Variants in ZNF519 observed in about 807,000 individuals in gnomAD.
ZNF519 encodes zinc finger protein 519.
A neutral mutation model predicts 7.4 loss-of-function variants in ZNF519; 7 were observed. That is an observed-to-expected ratio of 0.94 (90% CI 0.54 to 1.77). The LOEUF is 1.77. ZNF519 is among the 40% of genes most tolerant of loss of function. The pLI is 0.00. For missense variants in ZNF519, 586 were observed against 623.1 expected, an observed-to-expected ratio of 0.94 and a Z score of 0.63; for synonymous variants, 179 against 203.3, an observed-to-expected ratio of 0.88 and a Z score of 1.02.
intron 1 of ZNF519, among the ~76,000 whole-genome samples, chr18:14,126,185 G>A (rs1432293927): frequency 6.6e-6 from 1 of 152,118 alleles, no homozygotes; most frequent in Non-Finnish European, 1.5e-5. Context: ...AGCAGAGGGT[G>A]GATCTGCGCA....
chr18:14,117,073 A>G (rs2046249609), intron 2 of ZNF519, among the ~76,000 whole-genome samples: 3 of 152,326 alleles, frequency 2.0e-5, no homozygotes, highest in Admixed American at 6.5e-5. Context: ...TTTCTTGCAT[A>G]TAACATCAAA....
chr18:14,105,209 C>A lies in ZNF519; in HGVS notation c.1331G>T (p.Gly444Val), dbSNP rs543489203. ...TCTTTGATGTCGAGTAAGGTGTGAG[C>A]CCCTGTTAAAGGCTTTGCCACATTC... ...CKECGKAFNR[G>V]SHLTRHQRIH... The change falls in exon 3 of 3, where the codon GGC becomes GTC. Residue 444 changes from glycine to valine, a missense_variant. Coordinates refer to ENST00000590202, the MANE Select transcript of ZNF519 (RefSeq NM_145287.4). 1.3e-6 allele frequency: 2 copies of A among 1,571,198 alleles called. No homozygotes were observed. The highest frequency in any genetic ancestry group is 1.7e-6 in the Non-Finnish European group (2 of 1,145,296).
Position 14,124,198 on chromosome 18 carries a change from TTC to T in ZNF519, c.130+150_130+151del, listed in dbSNP as rs990440178. ...CAATTAAAAAAAAAAAAAAAAGATT[TTC>T]TTTTTTACACTAGCAAACTCCCATT... On this transcript the variant is annotated intron_variant, in intron 2 of 2. Coordinates refer to ENST00000590202, the MANE Select transcript of ZNF519 (RefSeq NM_145287.4). 5.8e-6 allele frequency: 4 copies of T among 694,870 alleles called. No homozygotes were observed. In the African/African-American group the frequency reaches 7.8e-5, roughly 13 times the overall value. 43.0% of individuals were successfully genotyped at this position (694,870 alleles called of 1,614,324 possible).
chr18:14,075,908 A>G (rs1016325577), downstream of ZNF519: 1 of 151,350 alleles, frequency 6.6e-6, no homozygotes, highest in African/African-American at 2.4e-5. Flanking sequence ...TTGCTGAACT[A>G]CACACCACAC....
chr18:14,084,460 T>G (rs1415449558), intron 3 of ZNF519: 1 of 152,162 alleles, frequency 6.6e-6, no homozygotes, highest in Non-Finnish European at 1.5e-5. Flanking sequence ...CTAGTTCTAT[T>G]CCTGTCCTCA....
downstream of ZNF519, among the ~76,000 whole-genome samples, chr18:14,098,306 CCCA>C (rs2046146160): frequency 1.3e-5 from 2 of 151,808 alleles, no homozygotes; most frequent in Non-Finnish European, 2.9e-5. Context: ...ATTACAGGCA[CCCA>C]CCACAACGCC....
chr18:14,105,479 C>G lies in ZNF519; in HGVS notation c.1061G>C (p.Gly354Ala), dbSNP rs561163547. ...GTATGACCCCCTGTTAAAGGCTTTG[C>G]CACATTCTTCACATTTGAAAGCTCT... ...GERAFKCEEC[G>A]KAFNRGSYLT... Residue 354 changes from glycine to alanine, a missense_variant, in exon 3 of 3, where the codon GGC (glycine) becomes GCC (alanine). Coordinates refer to ENST00000590202, the MANE Select transcript of ZNF519 (RefSeq NM_145287.4). 3.7e-6 allele frequency: 6 copies of G among 1,613,726 alleles called. No homozygotes were observed. Among genetic ancestry groups the G allele is most frequent in the African/African-American group, 2.7e-5 (2 of 74,900 alleles).
chr18:14,087,719 A>G (rs1248605142), intron 2 of ZNF519, among the ~76,000 whole-genome samples: 1 of 152,254 alleles, frequency 6.6e-6, no homozygotes, highest in Non-Finnish European at 1.5e-5. Context: ...AAATCGTATC[A>G]TTTATGTACA....
chr18:14,093,389 T>C (rs1256488219), intron 2 of ZNF519, among the ~76,000 whole-genome samples: 1 of 152,218 alleles, frequency 6.6e-6, no homozygotes, highest in Admixed American at 6.5e-5. Context: ...CAGAATAGTA[T>C]ATTGTTGATT....
At chr18:14,094,172 CTG>C (rs373226206) in intron 2 of ZNF519, among the ~76,000 whole-genome samples, 218 of 152,326 alleles carry the variant, frequency 1.4e-3, no homozygotes, top group African/African-American at 5.0e-3. Context: ...AAGTGGAGCT[CTG>C]TATGCCTGGG....
chr18:14,100,421 A>G lies in ZNF519; in HGVS notation c.*4496T>C, dbSNP rs2046155253. On this transcript the variant is annotated 3_prime_UTR_variant, in exon 3 of 3. Transcript: ENST00000590202. ...CACACACTGACTGAAAACAACAAATATGTTCTTGAAAGAGTGAAGGGTTAC... is the reference window on the plus strand; with the variant it reads ...CACACACTGACTGAAAACAACAAATGTGTTCTTGAAAGAGTGAAGGGTTAC... 1 of 152,194 alleles carries G rather than the reference A, an allele frequency of 6.6e-6. No individual in the cohort carries two copies. Among genetic ancestry groups the G allele is most frequent in the Non-Finnish European group, 1.5e-5 (1 of 68,036 alleles). 9.4% of individuals were successfully genotyped at this position (152,194 alleles called of 1,614,324 possible). A position where few individuals can be genotyped will look rare whatever the true frequency, so the allele number is the denominator to read the frequency against.
chr18:14,087,831 A>C (rs779943503), intron 2 of ZNF519, among the ~76,000 whole-genome samples: 5 of 152,222 alleles, frequency 3.3e-5, no homozygotes, highest in African/African-American at 1.2e-4. Flanking sequence ...CACCATCATT[A>C]TATTTTGTAC....
chr18:14,080,310 TGACAG>T (rs2046065503), intron 3 of ZNF519: 1 of 130,386 alleles, frequency 7.7e-6, no homozygotes, highest in Non-Finnish European at 1.6e-5. Context: ...GATGACAATT[TGACAG>T]TTTTTTTTTT....
chr18:14,106,097 T>G lies in ZNF519; in HGVS notation c.443A>C (p.Lys148Thr), dbSNP rs1213127805. Residue 148 changes from lysine (K) to threonine (T), a missense_variant, in exon 3 of 3, where the codon AAA becomes ACA. Physicochemically the swap from Lys to Thr is moderately conservative, Grantham distance 78. Transcript: ENST00000590202. Reference protein sequence around the residue: ...PCIPMNKYQHKFLKSVFCNKN... With the variant: ...PCIPMNKYQHTFLKSVFCNKN... The stretch of plus-strand genomic sequence containing the variant: ...ATTACAAAAGACAGATTTCAAAAAT[T>G]TATGTTGATATTTATTCATAGGAAT... The G allele has an allele frequency of 1.2e-6, 2 of 1,606,022 alleles. No individual in the cohort carries two copies. The highest frequency in any genetic ancestry group is 1.7e-6 in the Non-Finnish European group (2 of 1,178,056).
chr18:14,090,979 T>C (rs1473183980), intron 2 of ZNF519: 2 of 152,236 alleles, frequency 1.3e-5, no homozygotes, highest in Non-Finnish European at 2.9e-5. Flanking sequence ...TTTGAAAATA[T>C]ATGCAGTTTG....
At chr18:14,131,664 A>C (rs2046330852) in intron 1 of ZNF519, among the ~76,000 whole-genome samples, 1 of 152,188 alleles carries the variant, frequency 6.6e-6, no homozygotes, top group Non-Finnish European at 1.5e-5. Context: ...GGAGGAAACG[A>C]AATTCAAGCT....
chr18:14,106,407 C>T lies in ZNF519; in HGVS notation c.133G>A (p.Val45Met). Residue 45 changes from valine to methionine, a missense_variant and splice_region_variant, in exon 3 of 3, where the codon GTG becomes ATG. Val to Met is a conservative substitution (Grantham distance 21, BLOSUM62 1). Transcript: ENST00000590202. The stretch of plus-strand genomic sequence containing the variant: ...ATGCCTTGGTTGTAATAAGAATACA[C>T]AGCTGAAAGAAGTAAAAATAACTAA... The part of the protein sequence containing the change: ...ENYRNLVSLA[V>M]YSYYNQGILP... 1.3e-6 allele frequency: 2 copies of T among 1,574,398 alleles called. No individual in the cohort carries two copies. Among genetic ancestry groups the T allele is most frequent in the South Asian group, 1.2e-5 (1 of 84,480 alleles).
intron 1 of ZNF519, among the ~76,000 whole-genome samples, 159 bp downstream of exon 1, chr18:14,132,116 G>A (rs1222188117): frequency 6.6e-6 from 1 of 152,110 alleles, no homozygotes; most frequent in African/African-American, 2.4e-5. Flanking sequence ...CAAAGCCGCC[G>A]TGCAGGGACA....
chr18:14,078,360 T>C (rs374796064), intron 3 of ZNF519: 21 of 152,300 alleles, frequency 1.4e-4, no homozygotes, highest in East Asian at 7.7e-4. Context: ...CATGTACATG[T>C]ACATTATATA....
Sources: gnomAD v4.1 joint callset for allele counts (sites outside exome capture counted in the v4.1 genomes callset) on GRCh38, gnomAD v4.1.1 for gene constraint, MANE v1.5 for transcripts, NCBI Gene and HGNC (gene_info 2026-07-23, HGNC 2026-07-21) for gene names.